The following MYO1D variants were observed in gnomAD, a reference collection of about 807,000 sequenced individuals.
MYO1D encodes the protein myosin ID, also known as unconventional myosin-Id.
MYO1D carries 83 observed loss-of-function variants against 122.0 expected under a neutral mutation model. The observed-to-expected ratio is 0.68, with a 90% confidence interval of 0.57 to 0.82. The LOEUF is 0.82. MYO1D is among the 40% of genes least tolerant of loss of function. The pLI is 0.00. For missense variants in MYO1D, 1,157 were observed against 1,269.5 expected, an observed-to-expected ratio of 0.91 and a Z score of 1.35; for synonymous variants, 464 against 446.9, an observed-to-expected ratio of 1.04 and a Z score of -0.48.
intron 1 of MYO1D, among the ~76,000 whole-genome samples, chr17:32,797,206 T>C (rs2090424286): frequency 1.3e-5 from 2 of 152,152 alleles, no homozygotes; most frequent in Admixed American, 1.3e-4. Context: ...CCTGACCTCG[T>C]GATCCACCCG....
intron 1 of MYO1D, among the ~76,000 whole-genome samples, chr17:32,837,103 TCA>T (rs1465194901): frequency 6.6e-6 from 1 of 152,126 alleles, no homozygotes; most frequent in African/African-American, 2.4e-5. Context: ...TTGATTTTTG[TCA>T]GTTTTTAAAA....
intron 1 of MYO1D, among the ~76,000 whole-genome samples, chr17:32,848,830 G>C (rs2090960547): frequency 6.6e-6 from 1 of 152,084 alleles, no homozygotes. Context: ...TCTCATATTT[G>C]TTCCTTAAAG....
At chr17:32,503,405 C>CAGTG (rs750629380) in intron 21 of MYO1D, among the ~76,000 whole-genome samples, 1 of 152,228 alleles carries the variant, frequency 6.6e-6, no homozygotes, top group Non-Finnish European at 1.5e-5. Flanking sequence ...TTGAAGAAAT[C>CAGTG]AGTGAGTCAC....
rs369478668 is a variant in MYO1D, at chr17:32,843,479, G to C, written c.95+33299C>G. Among the ~76,000 whole-genome samples the C allele has an allele frequency of 2.2e-4, 34 of 152,290 alleles. No individual in the cohort carries two copies. The East Asian group carries it at 5.0e-3, about 22-fold the overall frequency. On this transcript the variant is annotated intron_variant, in intron 1 of 21. Coordinates refer to ENST00000318217, the MANE Select transcript of MYO1D (RefSeq NM_015194.3). ...TAATGGAATGTCAAATGAATCAAAT[G>C]GAAAGCATAATACTGACTACTAGCC...
intron 15 of MYO1D, among the ~76,000 whole-genome samples, chr17:32,717,313 G>A (rs1259661745): frequency 6.6e-6 from 1 of 152,072 alleles, no homozygotes; most frequent in Non-Finnish European, 1.5e-5. Flanking sequence ...TCCATAAATA[G>A]GACAAAATCT....
At chr17:32,791,222 G>C (rs1287008214) in intron 1 of MYO1D, among the ~76,000 whole-genome samples, 1 of 151,966 alleles carries the variant, frequency 6.6e-6, no homozygotes, top group Non-Finnish European at 1.5e-5. Flanking sequence ...AAATTAATTG[G>C]GCATGGTGGC....
At chr17:32,535,691 C>T (rs1469844316) in intron 21 of MYO1D, among the ~76,000 whole-genome samples, 1 of 152,268 alleles carries the variant, frequency 6.6e-6, no homozygotes, top group Middle Eastern at 3.4e-3. Context: ...GCGGAGCTTG[C>T]AGTGAGCCAA....
At chr17:32,798,002 A>T (rs2090432903) in intron 1 of MYO1D, among the ~76,000 whole-genome samples, 1 of 152,240 alleles carries the variant, frequency 6.6e-6, no homozygotes, top group Non-Finnish European at 1.5e-5. Context: ...AGAAAGAAAT[A>T]CGTTTATGCC....
At chr17:32,740,025 A>C (rs566560911) in intron 13 of MYO1D, among the ~76,000 whole-genome samples, 2 of 152,300 alleles carry the variant, frequency 1.3e-5, no homozygotes, top group South Asian at 4.1e-4. Context: ...CCTATTCCAT[A>C]ATTTTCCATT....
At chr17:32,766,080 T>G (rs979558123) in intron 7 of MYO1D, among the ~76,000 whole-genome samples, 16 of 152,000 alleles carry the variant, frequency 1.1e-4, no homozygotes, top group African/African-American at 3.9e-4. Context: ...AGATGGGGTT[T>G]TGCCATGTTG....
At chr17:32,819,572 T>C (rs1012429961) in intron 1 of MYO1D, among the ~76,000 whole-genome samples, 2 of 152,204 alleles carry the variant, frequency 1.3e-5, no homozygotes, top group Admixed American at 1.3e-4. Flanking sequence ...CTGCAGGGAA[T>C]GTCCATACTT....
chr17:32,599,854 T>C (rs1345658184), intron 21 of MYO1D, among the ~76,000 whole-genome samples: 5 of 152,216 alleles, frequency 3.3e-5, no homozygotes, highest in Admixed American at 3.3e-4. Context: ...GGTTTCACCA[T>C]GTTGGCCAGG....
chr17:32,786,088 G>C (rs1236006173), intron 1 of MYO1D, among the ~76,000 whole-genome samples: 1 of 152,168 alleles, frequency 6.6e-6, no homozygotes, highest in East Asian at 1.9e-4. Context: ...TCCGGCACTG[G>C]AGTAGAGTTC....
intron 21 of MYO1D, among the ~76,000 whole-genome samples, chr17:32,522,855 C>T (rs377025835): frequency 2.7e-5 from 4 of 149,714 alleles, no homozygotes; most frequent in East Asian, 4.0e-4. Context: ...CTCGCTCTGT[C>T]GCCCAGGCTG....
In MYO1D at chr17:32,780,790, C is replaced by T. The variant is rs188459613; in HGVS notation, c.96-6G>A. ...AGATGCGCCCTTTTTCAAATCTGTA[C>T]AGAAGCAAAAGAAAAGGAAGACGTA... On this transcript the variant is annotated splice_region_variant and splice_polypyrimidine_tract_variant and intron_variant, in intron 1 of 21. Transcript: ENST00000318217. 156 of 1,613,718 alleles carry T rather than the reference C, an allele frequency of 9.7e-5. No individual in the cohort carries two copies. The African/African-American group carries it at 1.9e-3, about 20-fold the overall frequency.
intron 16 of MYO1D, among the ~76,000 whole-genome samples, chr17:32,703,639 T>C (rs1179728215): frequency 1.3e-5 from 2 of 152,060 alleles, no homozygotes; most frequent in Non-Finnish European, 2.9e-5. Context: ...CTATAAACTA[T>C]ATATCTACCA....
intron 21 of MYO1D, among the ~76,000 whole-genome samples, chr17:32,604,367 G>T (rs2087600613): frequency 6.6e-6 from 1 of 152,098 alleles, no homozygotes; most frequent in South Asian, 2.1e-4. Flanking sequence ...CACAAAGAGA[G>T]CACTTGACTT....
At chr17:32,612,132 G>A (rs1033330886) in intron 20 of MYO1D, among the ~76,000 whole-genome samples, 10 of 152,186 alleles carry the variant, frequency 6.6e-5, no homozygotes, top group African/African-American at 2.4e-4. Flanking sequence ...TGTAAGAAAT[G>A]TGAACAGGAT....
At chr17:32,646,064 C>T (rs951691815) in intron 19 of MYO1D, among the ~76,000 whole-genome samples, 2 of 151,940 alleles carry the variant, frequency 1.3e-5, no homozygotes, top group Non-Finnish European at 1.5e-5. Flanking sequence ...ATGATGGTGA[C>T]GTACAGATGG....
Sources: allele counts gnomAD v4.1 joint callset (sites outside exome capture counted in the v4.1 genomes callset), GRCh38; gene constraint gnomAD v4.1.1; transcripts MANE v1.5; gene names NCBI Gene and HGNC (gene_info 2026-07-23, HGNC 2026-07-21).